ANKS3: variants seen among roughly 807,000 people sequenced by gnomAD.
ANKS3 encodes ankyrin repeat and SAM domain-containing protein 3.
In ANKS3, 62 loss-of-function variants were observed where a neutral mutation model predicts 80.7. The ratio of observed to expected loss-of-function variants is 0.77; its 90% CI spans 0.63 to 0.95. The LOEUF is 0.95. Ranked by LOEUF, ANKS3 falls within the 40% of genes least tolerant of loss-of-function variation. The pLI is 0.00. For missense variants in ANKS3, 1,150 were observed against 883.6 expected (o/e 1.30, Z -3.82); for synonymous variants, 489 against 355.3 (o/e 1.38, Z -4.23).
intron 9 of ANKS3, 137 bp downstream of exon 9, chr16:4,701,965 C>G: frequency 9.0e-7 from 1 of 1,105,032 alleles, no homozygotes; most frequent in Non-Finnish European, 1.2e-6. Context: ...GAACCAGGGC[C>G]GTCCACACCT....
rs1240235439 is a variant in ANKS3 at position 4,702,205 on chromosome 16, G to A, written c.906C>T (p.Ser302=). The part of the protein sequence containing the change: ...APPRGYVTFN[S]SGENPLEEEG... ...CTTCTTCCAGGGGGTTCTCGCCACT[G>A]CTGTTGAAGGTGACATAGCCACGGG... is the stretch of plus-strand genomic sequence containing the variant. The change falls in exon 9 of 18, where the codon AGC becomes AGT. Residue 302 remains serine, a synonymous_variant. Coordinates refer to ENST00000304283, the MANE Select transcript of ANKS3 (RefSeq NM_133450.4). 3.8e-6 allele frequency: 6 copies of A among 1,589,220 alleles called. No homozygotes were observed. The highest frequency in any genetic ancestry group is 1.4e-5 in the African/African-American group (1 of 73,226).
intron 7 of ANKS3, among the ~76,000 whole-genome samples, chr16:4,709,177 C>T (rs1248359717): frequency 6.6e-6 from 1 of 151,672 alleles, no homozygotes; most frequent in African/African-American, 2.4e-5. Flanking sequence ...GAGGCCGAGT[C>T]GGGTGGACCA....
Position 4,697,097 on chromosome 16 carries a change from T to C in ANKS3, c.1902A>G (p.Ala634=), listed in dbSNP as rs757628945. 3.1e-6 allele frequency: 5 copies of C among 1,613,500 alleles called. No homozygotes were observed. In the East Asian group the frequency reaches 8.9e-5, roughly 29 times the overall value. Residue 634 remains alanine (A), a synonymous_variant, in exon 17 of 18, where the codon GCA becomes GCG. Transcript: ENST00000304283. The part of the protein sequence containing the change: ...LEDRVREMGQ[A]LCLVTQSLEK... ...CCAGGCTCTGGGTCACTAAGCACAG[T>C]GCTTGCCCTGAGGAATGATGACCTT...
intron 6 of ANKS3, among the ~76,000 whole-genome samples, chr16:4,724,290 G>A (rs375350110): frequency 6.6e-5 from 10 of 152,138 alleles, no homozygotes; most frequent in Admixed American, 3.9e-4. Context: ...CAGACTATAC[G>A]TAGAATCCCA....
Position 4,730,030 on chromosome 16 carries a change from G to A in ANKS3, c.120C>T (p.His40=), listed in dbSNP as rs1166369726. 6.3e-7 allele frequency: 1 copy of A among 1,584,596 alleles called. No individual in the cohort carries two copies. Among genetic ancestry groups the A allele is most frequent in the East Asian group, 2.3e-5 (1 of 42,876 alleles). ...GEELDVPLDL[H]TAASIGQYEV... ...CATACTGGCCAATGGAAGCAGCTGT[G>A]TGAAGATCCAGGGGGACATCCAGCT... Residue 40 remains histidine (H), a synonymous_variant, in exon 3 of 18, where the codon CAC becomes CAT. Transcript: ENST00000304283.
intron 1 of ANKS3, among the ~76,000 whole-genome samples, chr16:4,732,305 C>T (rs905502330): frequency 6.6e-6 from 1 of 152,116 alleles, no homozygotes; most frequent in Non-Finnish European, 1.5e-5. Context: ...AGTTCAGAGT[C>T]CCTTCCATAC....
rs575101244 is a variant in ANKS3 at position 4,721,191 on chromosome 16, GCTA to G, written c.573+3556_573+3558del. Reference sequence around the variant, plus strand: ...ATGGTGGCGGGCGCCTGTGGTCCCAGCTACTCGGGAGGCTGAGGCAGGAGAATG... The same window carrying G: ...ATGGTGGCGGGCGCCTGTGGTCCCAGCTCGGGAGGCTGAGGCAGGAGAATG... On this transcript the variant is annotated intron_variant, in intron 6 of 17. Transcript: ENST00000304283. Among the ~76,000 whole-genome samples, 385 of 150,742 alleles carry G rather than the reference GCTA, an allele frequency of 2.6e-3. 4 individuals are homozygous for G. Among genetic ancestry groups the G allele is most frequent in the African/African-American group, 8.8e-3 (362 of 41,346 alleles).
chr16:4,712,300 GGCGGAGGTT>G (rs1206551154), intron 7 of ANKS3, among the ~76,000 whole-genome samples: 6 of 152,050 alleles, frequency 3.9e-5, no homozygotes, highest in Non-Finnish European at 7.4e-5. Context: ...GAACTCAGGA[GGCGGAGGTT>G]GCGGAGGTTG....
intron 3 of ANKS3, among the ~76,000 whole-genome samples, chr16:4,728,266 C>A (rs1053025479): frequency 1.1e-4 from 16 of 152,126 alleles, no homozygotes; most frequent in African/African-American, 3.9e-4. Flanking sequence ...AGGATGGTCT[C>A]GATCTCCTGA....
At chr16:4,705,365 A>G in intron 7 of ANKS3, 112 bp from the exon 8 acceptor site, 10 of 1,302,618 alleles carry the variant, frequency 7.7e-6, no homozygotes, top group Non-Finnish European at 1.1e-5. Context: ...AATTAAGGAG[A>G]AGGGTATCTG....
chr16:4,697,762 C>T (rs565531384), intron 15 of ANKS3, among the ~76,000 whole-genome samples: 7 of 152,326 alleles, frequency 4.6e-5, no homozygotes, highest in African/African-American at 1.7e-4. Context: ...CCTCCTACCC[C>T]TGGGGGATAG....
chr16:4,711,087 C>A (rs1170248935), intron 7 of ANKS3, among the ~76,000 whole-genome samples: 2 of 147,442 alleles, frequency 1.4e-5, no homozygotes, highest in African/African-American at 5.0e-5. Context: ...CTGCACCCAG[C>A]CTGAAACAGA....
chr16:4,722,176 G>C (rs1309784818), intron 6 of ANKS3, among the ~76,000 whole-genome samples: 2 of 151,378 alleles, frequency 1.3e-5, no homozygotes, highest in African/African-American at 2.4e-5. Context: ...TTGTTAAAAA[G>C]AGATACCATG....
intron 7 of ANKS3, among the ~76,000 whole-genome samples, chr16:4,706,299 C>T (rs778115451): frequency 3.9e-5 from 6 of 151,956 alleles, no homozygotes; most frequent in Non-Finnish European, 7.4e-5. Context: ...GGTGCGATCA[C>T]GGCTCACTGC....
intron 6 of ANKS3, among the ~76,000 whole-genome samples, chr16:4,720,960 A>AC (rs1179287171): frequency 1.3e-5 from 2 of 148,956 alleles, no homozygotes; most frequent in African/African-American, 4.9e-5. Context: ...AAACAAACAA[A>AC]AAAACTCTGA....
At chr16:4,697,194 G>C in intron 16 of ANKS3, 90 bp from the exon 17 acceptor site, 1 of 1,560,144 alleles carries the variant, frequency 6.4e-7, no homozygotes, top group African/African-American at 1.4e-5. Flanking sequence ...GATGTGACCT[G>C]CCCCTCACCC....
chr16:4,719,003 G>T (rs1204889778), intron 6 of ANKS3, among the ~76,000 whole-genome samples: 2 of 152,196 alleles, frequency 1.3e-5, no homozygotes, highest in African/African-American at 2.4e-5. Flanking sequence ...ATAAGAAAAT[G>T]AGGTGAAATG....
At chr16:4,717,666 G>T (rs958345189) in intron 6 of ANKS3, 1 of 152,130 alleles carries the variant, frequency 6.6e-6, no homozygotes. Flanking sequence ...ATATATTTTT[G>T]GTTTTGTTTT....
chr16:4,711,522 C>A (rs1371100390), intron 7 of ANKS3, among the ~76,000 whole-genome samples: 8 of 151,564 alleles, frequency 5.3e-5, no homozygotes, highest in African/African-American at 1.7e-4. Flanking sequence ...AGTTTGAGAC[C>A]AGCCCGGCCA....
Sources: gnomAD v4.1 joint callset for allele counts (sites outside exome capture counted in the v4.1 genomes callset) on GRCh38, gnomAD v4.1.1 for gene constraint, MANE v1.5 for transcripts, NCBI Gene and HGNC (gene_info 2026-07-23, HGNC 2026-07-21) for gene names.